VWA3B: variants seen among roughly 807,000 people sequenced by gnomAD.
The protein encoded by VWA3B is von Willebrand factor A domain containing 3B.
In VWA3B, 138 loss-of-function variants were observed where a neutral mutation model predicts 158.3. The ratio of observed to expected loss-of-function variants is 0.87; its 90% CI spans 0.76 to 1.00. VWA3B has a LOEUF of 1.00. Ranked by LOEUF, VWA3B falls within the 50% of genes least tolerant of loss-of-function variation. The pLI, the probability that VWA3B is intolerant of heterozygous loss-of-function variation, is 0.00. For synonymous variants in VWA3B, 596 were observed against 587.3 expected (o/e 1.01, Z -0.21); for missense variants, 1,555 against 1,565.1 (o/e 0.99, Z 0.11).
At chr2:98,187,821 A>C (rs1681232026) in intron 9 of VWA3B, among the ~76,000 whole-genome samples, 154 bp from the exon 10 acceptor site, 1 of 152,048 alleles carries the variant, frequency 6.6e-6, no homozygotes, top group Non-Finnish European at 1.5e-5. Flanking sequence ...GGAAGCGGGC[A>C]GCGGAACATA....
At chr2:98,305,209 C>T (rs62155311) in intron 26 of VWA3B, among the ~76,000 whole-genome samples, 5,933 of 152,300 alleles carry the variant, frequency 0.039, 167 homozygotes, top group Middle Eastern at 0.075. Context: ...CTCCATGACT[C>T]CCTTTGCACT....
chr2:98,166,079 G>A (rs1448612256), intron 8 of VWA3B, among the ~76,000 whole-genome samples: 1 of 152,188 alleles, frequency 6.6e-6, no homozygotes, highest in South Asian at 2.1e-4. Context: ...GCTCACGCCT[G>A]TAATCCCAGC....
At chr2:98,319,424 C>A in the VWA3B span, among the ~76,000 whole-genome samples, 2 of 152,084 alleles carry the variant, frequency 1.3e-5, no homozygotes, top group African/African-American at 4.8e-5. Flanking sequence ...GGGCTGGAGT[C>A]TGTAAAATAC....
At chr2:98,185,312 A>G (rs1680943230) in intron 9 of VWA3B, among the ~76,000 whole-genome samples, 1 of 151,696 alleles carries the variant, frequency 6.6e-6, no homozygotes, top group South Asian at 2.1e-4. Flanking sequence ...ATCCTCAACC[A>G]TTTTTCCCTT....
chr2:98,118,024 A>G (rs1325648972), intron 3 of VWA3B, among the ~76,000 whole-genome samples: 1 of 152,226 alleles, frequency 6.6e-6, no homozygotes, highest in Non-Finnish European at 1.5e-5. Context: ...GGCATGAGCC[A>G]TCATGCCAGG....
At chr2:98,140,185 G>A (rs1297772920) in intron 7 of VWA3B, among the ~76,000 whole-genome samples, 1 of 152,170 alleles carries the variant, frequency 6.6e-6, no homozygotes, top group African/African-American at 2.4e-5. Flanking sequence ...AACACGCACC[G>A]CGAAGGTCCG....
At chr2:98,223,793 C>T (rs2105649366) in intron 14 of VWA3B, among the ~76,000 whole-genome samples, 1 of 152,256 alleles carries the variant, frequency 6.6e-6, no homozygotes, top group East Asian at 1.9e-4. Flanking sequence ...TGCAGTGACA[C>T]AATCTTGGCT....
intron 19 of VWA3B, among the ~76,000 whole-genome samples, chr2:98,240,615 A>G (rs1205172759): frequency 6.6e-6 from 1 of 152,206 alleles, no homozygotes; most frequent in African/African-American, 2.4e-5. Context: ...TCTGTGTAAT[A>G]CTTGATAATC....
At chr2:98,304,198 T>C (rs1225447897) in intron 26 of VWA3B, among the ~76,000 whole-genome samples, 1 of 151,904 alleles carries the variant, frequency 6.6e-6, no homozygotes, top group Non-Finnish European at 1.5e-5. Context: ...CAGGTCAGGG[T>C]GTTGGAGGGG....
intron 14 of VWA3B, among the ~76,000 whole-genome samples, chr2:98,227,108 T>C (rs886916250): frequency 6.6e-6 from 1 of 152,172 alleles, no homozygotes; most frequent in Non-Finnish European, 1.5e-5. Context: ...TCAAATTGTC[T>C]CTGTTTGCAG....
intron 20 of VWA3B, among the ~76,000 whole-genome samples, chr2:98,253,420 C>G (rs1364473467): frequency 6.6e-6 from 1 of 152,060 alleles, no homozygotes; most frequent in African/African-American, 2.4e-5. Context: ...CATGGGAGTC[C>G]TTTTGTCTCA....
chr2:98,309,522 ATC>A (rs1690751911), intron 26 of VWA3B, among the ~76,000 whole-genome samples: 1 of 152,200 alleles, frequency 6.6e-6, no homozygotes, highest in Non-Finnish European at 1.5e-5. Context: ...GCCTCTCATT[ATC>A]TGTCTTTTGA....
At chr2:98,272,577 C>T (rs1368426207) in intron 22 of VWA3B, among the ~76,000 whole-genome samples, 1 of 152,074 alleles carries the variant, frequency 6.6e-6, no homozygotes, top group Non-Finnish European at 1.5e-5. Context: ...TGGGGGTTGG[C>T]GCTGAAAGTC....
At chr2:98,251,814 C>G (rs1300956263) in intron 20 of VWA3B, among the ~76,000 whole-genome samples, 1 of 152,198 alleles carries the variant, frequency 6.6e-6, no homozygotes, top group African/African-American at 2.4e-5. Flanking sequence ...TCCAAACCCC[C>G]TTTAACGTGA....
chr2:98,307,154 A>G (rs13428221), intron 26 of VWA3B, among the ~76,000 whole-genome samples: 48,205 of 152,114 alleles, frequency 0.32, 7,820 homozygotes, highest in Non-Finnish European at 0.34. Flanking sequence ...CCCCGGTGCT[A>G]TAAAGAAATA....
rs1674626476 is a variant in VWA3B at position 98,117,561 on chromosome 2, G to A, written c.291+1815G>A. ...CAATGCTCTGGTGGGGCAGCAGGGGGGCCATGGGTGAAAATACCCTGGTGG... is the reference window on the plus strand; with the variant it reads ...CAATGCTCTGGTGGGGCAGCAGGGGAGCCATGGGTGAAAATACCCTGGTGG... On this transcript the variant is annotated intron_variant, in intron 3 of 27. Coordinates refer to ENST00000477737, the MANE Select transcript of VWA3B (RefSeq NM_144992.5). Among the ~76,000 whole-genome samples the A allele has an allele frequency of 2.0e-5, 3 of 152,084 alleles. No individual in the cohort carries two copies. In the South Asian group the frequency reaches 6.2e-4, roughly 31 times the overall value.
chr2:98,290,708 G>C, intron 23 of VWA3B, 86 bp downstream of exon 23: 1 of 933,634 alleles, frequency 1.1e-6, no homozygotes, highest in Non-Finnish European at 1.7e-6. Flanking sequence ...GCTTTTGCTA[G>C]AACACTGACA....
chr2:98,257,923 C>T (rs1389814268), intron 21 of VWA3B, among the ~76,000 whole-genome samples: 1 of 151,766 alleles, frequency 6.6e-6, no homozygotes, highest in Non-Finnish European at 1.5e-5. Flanking sequence ...TCTAAGAATC[C>T]ATTGCCAAAT....
At chr2:98,265,988 G>T (rs1263629133) in intron 21 of VWA3B, among the ~76,000 whole-genome samples, 1 of 141,776 alleles carries the variant, frequency 7.1e-6, no homozygotes, top group Non-Finnish European at 1.6e-5. Flanking sequence ...CTCCCATTTT[G>T]TAGGTTGCCT....
Sources: gnomAD v4.1 joint callset for allele counts (sites outside exome capture counted in the v4.1 genomes callset) on GRCh38, gnomAD v4.1.1 for gene constraint, MANE v1.5 for transcripts, NCBI Gene and HGNC (gene_info 2026-07-23, HGNC 2026-07-21) for gene names.